DNAH3: variants seen among roughly 807,000 people sequenced by gnomAD.
DNAH3 encodes dynein axonemal heavy chain 3, also known as axonemal beta dynein heavy chain 3.
A neutral mutation model predicts 432.5 loss-of-function variants in DNAH3; 332 were observed. That is an observed-to-expected ratio of 0.77 (90% confidence interval 0.70 to 0.84). DNAH3 has a LOEUF of 0.84. Among genes scored for constraint, DNAH3 ranks in the 40% least tolerant of loss-of-function variants. The pLI is 0.00. For synonymous variants in DNAH3, 1,956 were observed against 1,900.2 expected (o/e 1.03, Z -0.76); for missense variants, 4,861 against 5,114.0 (o/e 0.95, Z 1.51).
chr16:21,069,186 A>G (rs2090687298), intron 23 of DNAH3, among the ~76,000 whole-genome samples: 1 of 151,666 alleles, frequency 6.6e-6, no homozygotes, highest in African/African-American at 2.4e-5. Flanking sequence ...CTCAAGTGAT[A>G]CCCCCGCCTT....
chr16:20,985,003 A>G (rs987513689), intron 48 of DNAH3, 46 bp downstream of exon 48: 6 of 1,520,198 alleles, frequency 3.9e-6, no homozygotes, highest in Non-Finnish European at 4.4e-6. Context: ...AGAAGACCCC[A>G]AAACACCCAG....
Position 20,964,532 on chromosome 16 carries a change from C to T in DNAH3, c.9352G>A (p.Ala3118Thr), listed in dbSNP as rs139454085. The T allele has an allele frequency of 1.7e-4, 269 of 1,614,126 alleles. No individual in the cohort carries two copies. Among genetic ancestry groups the T allele is most frequent in the East Asian group, 1.2e-3 (53 of 44,884 alleles). The change falls in exon 53 of 62, where the codon GCG (alanine) becomes ACG (threonine). Residue 3118 changes from alanine (A) to threonine (T), a missense_variant. Coordinates refer to ENST00000261383, the Ensembl canonical transcript of DNAH3. ...AAGACAGGGGTGCCTAACTGCAGCGCGTTTTCCAGCATCCTCATGTAGTTG... is the reference window on the plus strand; with the variant it reads ...AAGACAGGGGTGCCTAACTGCAGCGTGTTTTCCAGCATCCTCATGTAGTTG...
intron 14 of DNAH3, among the ~76,000 whole-genome samples, chr16:21,107,433 TTTTGCCATG>T (rs1435136992): frequency 1.3e-5 from 2 of 151,862 alleles, no homozygotes; most frequent in African/African-American, 2.4e-5. Flanking sequence ...AGAGATGGGG[TTTTGCCATG>T]TTGGCCAGGC....
chr16:21,063,496 TTTA>T (rs1017373110), intron 24 of DNAH3, among the ~76,000 whole-genome samples: 1 of 149,238 alleles, frequency 6.7e-6, no homozygotes, highest in East Asian at 1.9e-4. Context: ...TTTATTTTAT[TTTA>T]TTATTTTATA....
intron 7 of DNAH3, chr16:21,130,184 T>C (rs2092529780): frequency 6.6e-6 from 1 of 151,828 alleles, no homozygotes; most frequent in Non-Finnish European, 1.5e-5. Flanking sequence ...TTCTATCTTA[T>C]GCTTGAGTGA....
chr16:20,949,263 C>CA (rs34267850), intron 56 of DNAH3, among the ~76,000 whole-genome samples: 23,500 of 65,784 alleles, frequency 0.36, 3,879 homozygotes, highest in Non-Finnish European at 0.4. Context: ...GAGACTGTCT[C>CA]AAAAAAAAAA....
In DNAH3 at chr16:21,060,828, CTT is replaced by C. The variant is rs34315223; in HGVS notation, c.3721-474_3721-473del. 2.7e-3 allele frequency among the ~76,000 whole-genome samples: 322 copies of C among 118,218 alleles called. 5 individuals carry two copies. In the South Asian group the frequency reaches 0.047, roughly 17 times the overall value. 77.6% of individuals were successfully genotyped at this position (118,218 alleles called of 152,430 possible). ...TGTGAACCACTGCGCCTGGTCTCTT[CTT>C]TTTTTTTTTTTTTTTTTTATAGAGA... On this transcript the variant is annotated intron_variant, in intron 25 of 61. Coordinates refer to ENST00000261383, the Ensembl canonical transcript of DNAH3.
intron 6 of DNAH3, among the ~76,000 whole-genome samples, chr16:21,135,381 T>C (rs2092628311): frequency 6.6e-6 from 1 of 152,144 alleles, no homozygotes; most frequent in African/African-American, 2.4e-5. Context: ...GGATGTAACA[T>C]TTGTGCTGGG....
chr16:21,112,392 G>A (rs906624735), intron 12 of DNAH3, among the ~76,000 whole-genome samples: 1 of 152,094 alleles, frequency 6.6e-6, no homozygotes, highest in African/African-American at 2.4e-5. Flanking sequence ...TCGAGACTGG[G>A]AAGAAAAAGA....
chr16:21,084,387 A>AT (rs2091295147), intron 19 of DNAH3, among the ~76,000 whole-genome samples: 1 of 152,040 alleles, frequency 6.6e-6, no homozygotes. Context: ...CAGTGGCGCA[A>AT]TCACAGCTCA....
chr16:21,159,317 CT>C, intron 1 of DNAH3: 2 of 1,612,336 alleles, frequency 1.2e-6, no homozygotes, highest in Non-Finnish European at 1.7e-6. Flanking sequence ...CGCGGACCCC[CT>C]CTCCACCTGC....
At position 21,075,330 on chromosome 16, in the gene DNAH3, CAT is replaced by C. The variant is rs1320268944; in HGVS notation, c.3084+115_3084+116del. On this transcript the variant is annotated intron_variant, in intron 21 of 61. Transcript: ENST00000261383. The stretch of plus-strand genomic sequence containing the variant: ...GGCAGACAGTAGGAAACAATCAAGA[CAT>C]GAGCGATTATTTCTCTGTGAGTTCT... The C allele has an allele frequency of 1.0e-5, 8 of 763,744 alleles. No homozygotes were observed. The African/African-American group carries it at 1.4e-4, about 13-fold the overall frequency. 47.3% of individuals were successfully genotyped at this position (763,744 alleles called of 1,614,324 possible).
In DNAH3 at chr16:21,054,412, T is replaced by C. The variant is rs776815381; in HGVS notation, c.4039+8A>G. The C allele has an allele frequency of 6.2e-6, 10 of 1,606,384 alleles. No individual in the cohort carries two copies. In the African/African-American group the frequency reaches 1.2e-4, roughly 19 times the overall value. On this transcript the variant is annotated splice_region_variant and intron_variant, in intron 28 of 61. Transcript: ENST00000261383. The stretch of plus-strand genomic sequence containing the variant: ...GTCAGTAATGACAGGGGAAGCCCCC[T>C]GGCTTACCGTGGACATCGATGACCG...
chr16:20,941,677 A>T, intron 58 of DNAH3, 134 bp from the exon 59 acceptor site: 1 of 1,134,926 alleles, frequency 8.8e-7, no homozygotes, highest in Non-Finnish European at 1.2e-6. Flanking sequence ...CTCCAACAGA[A>T]GCCATTTCTG....
At chr16:21,025,293 G>A (rs1199381791) in intron 38 of DNAH3, among the ~76,000 whole-genome samples, 1 of 150,040 alleles carries the variant, frequency 6.7e-6, no homozygotes, top group East Asian at 1.9e-4. Flanking sequence ...ATTAAAAAGG[G>A]GTACCATGTT....
chr16:20,951,457 T>A (rs2084304381), intron 56 of DNAH3, among the ~76,000 whole-genome samples: 1 of 151,652 alleles, frequency 6.6e-6, no homozygotes, highest in South Asian at 2.1e-4. Flanking sequence ...TTTTTTTTTT[T>A]CTTCTGAGAC....
intron 42 of DNAH3, 51 bp from the exon 43 acceptor site, chr16:21,000,569 A>G (rs373176521): frequency 9.3e-5 from 141 of 1,512,952 alleles, no homozygotes; most frequent in Middle Eastern, 3.5e-4. Context: ...AGGAAGCTGG[A>G]GGTCTTGGCA....
chr16:21,127,909 G>A (rs1567839490), intron 7 of DNAH3, 97 bp from the exon 9 acceptor site: 1 of 1,422,596 alleles, frequency 7.0e-7, no homozygotes, highest in Non-Finnish European at 9.8e-7. Context: ...GTTTCTCAAT[G>A]AAAGTTAAGC....
exon 53 of DNAH3, chr16:20,964,926 T>C: frequency 6.2e-7 from 1 of 1,614,220 alleles, no homozygotes. Context: ...TCCCCAGCTG[T>C]CGGGCAGCTT....
Sources: allele counts gnomAD v4.1 joint callset (sites outside exome capture counted in the v4.1 genomes callset), GRCh38; gene constraint gnomAD v4.1.1; transcripts MANE v1.5; gene names NCBI Gene and HGNC (gene_info 2026-07-23, HGNC 2026-07-21).